ENPP1: variants seen among roughly 807,000 people sequenced by gnomAD.
ENPP1 encodes the protein ectonucleotide pyrophosphatase/phosphodiesterase 1, also known as ectonucleotide pyrophosphatase/phosphodiesterase family member 1.
Under a neutral mutation model 122.8 loss-of-function variants are expected in ENPP1, and 73 were observed. The observed-to-expected ratio is 0.59, with a 90% confidence interval of 0.49 to 0.72. ENPP1 has a LOEUF of 0.72. Among genes scored for constraint, ENPP1 ranks in the 30% least tolerant of loss-of-function variants. The pLI is 0.00. For synonymous variants in ENPP1, 367 were observed against 391.6 expected (o/e 0.94, Z 0.74); for missense variants, 978 against 1,128.1 (o/e 0.87, Z 1.91).
intron 1 of ENPP1, among the ~76,000 whole-genome samples, chr6:131,815,215 C>CTA (rs1781399383): frequency 6.6e-6 from 1 of 152,188 alleles, no homozygotes; most frequent in Admixed American, 6.5e-5. Context: ...AATCAGAAAT[C>CTA]TAGTCAGTGA....
intron 1 of ENPP1, among the ~76,000 whole-genome samples, chr6:131,824,832 C>T (rs139389655): frequency 0.032 from 4,870 of 152,088 alleles, 241 homozygotes; most frequent in East Asian, 0.25. Context: ...AGGCTGAGGC[C>T]GGCAGATCAC....
chr6:131,869,309 A>G (rs1182085569), intron 12 of ENPP1, 49 bp from the exon 13 acceptor site: 1 of 1,601,116 alleles, frequency 6.2e-7, no homozygotes, highest in Non-Finnish European at 8.5e-7. Flanking sequence ...TGCATATTAA[A>G]TTTTTTGTTA....
intron 16 of ENPP1, 107 bp from the exon 17 acceptor site, chr6:131,875,669 T>C (rs1468942329): frequency 1.2e-6 from 1 of 833,480 alleles, no homozygotes; most frequent in Non-Finnish European, 2.1e-6. Flanking sequence ...TTTCCTCTTA[T>C]CTTATCATAA....
At chr6:131,815,211 A>G (rs910865824) in intron 1 of ENPP1, among the ~76,000 whole-genome samples, 2 of 152,226 alleles carry the variant, frequency 1.3e-5, no homozygotes, top group African/African-American at 4.8e-5. Flanking sequence ...TCAGAATCAG[A>G]AATCTAGTCA....
chr6:131,852,128 T>C, intron 4 of ENPP1, 47 bp from the exon 5 acceptor site: 1 of 1,204,730 alleles, frequency 8.3e-7, no homozygotes, highest in Non-Finnish European at 1.2e-6. Context: ...ATCACAATTA[T>C]TATTACTGTT....
intron 4 of ENPP1, among the ~76,000 whole-genome samples, chr6:131,851,802 C>G (rs1258548547): frequency 6.6e-6 from 1 of 151,762 alleles, no homozygotes; most frequent in Non-Finnish European, 1.5e-5. Flanking sequence ...GAACCTGACT[C>G]TATATGAGAG....
chr6:131,841,084 A>T (rs1366598478), intron 1 of ENPP1, among the ~76,000 whole-genome samples: 1 of 152,224 alleles, frequency 6.6e-6, no homozygotes, highest in Non-Finnish European at 1.5e-5. Flanking sequence ...TGCATAAGAG[A>T]CCAAGCATGC....
chr6:131,847,645 A>T, intron 1 of ENPP1, 131 bp from the exon 2 acceptor site: 1 of 660,590 alleles, frequency 1.5e-6, no homozygotes, highest in Non-Finnish European at 2.6e-6. Context: ...TTTCGAGGTT[A>T]CAGTGAACTA....
intron 5 of ENPP1, among the ~76,000 whole-genome samples, chr6:131,853,110 A>T (rs977285454): frequency 1.3e-5 from 2 of 152,128 alleles, no homozygotes; most frequent in Non-Finnish European, 2.9e-5. Flanking sequence ...TAAAATTTTT[A>T]AGCTGTATTT....
At chr6:131,825,079 A>C (rs1585795812) in intron 1 of ENPP1, among the ~76,000 whole-genome samples, 2 of 152,184 alleles carry the variant, frequency 1.3e-5, no homozygotes, top group African/African-American at 4.8e-5. Context: ...ACAAACAAAC[A>C]AAAGCAATTG....
At chr6:131,882,262 T>C in intron 20 of ENPP1, 83 bp from the exon 21 acceptor site, 1 of 1,142,262 alleles carries the variant, frequency 8.8e-7, no homozygotes, top group South Asian at 1.2e-5. Context: ...AATTTTATGA[T>C]GTAGTTCACC....
chr6:131,835,917 A>T (rs1402570257), intron 1 of ENPP1, among the ~76,000 whole-genome samples: 1 of 152,182 alleles, frequency 6.6e-6, no homozygotes, highest in African/African-American at 2.4e-5. Context: ...ACTTGTGATT[A>T]TCTTAATTTT....
intron 21 of ENPP1, 127 bp downstream of exon 21, chr6:131,882,601 T>TTA (rs3036847): frequency 7.0e-5 from 14 of 201,036 alleles, no homozygotes; most frequent in Admixed American, 3.8e-4. Context: ...ATTACCTATT[T>TTA]TATATATATA....
intron 5 of ENPP1, among the ~76,000 whole-genome samples, chr6:131,853,918 G>GT (rs1262648056): frequency 6.6e-6 from 1 of 152,014 alleles, no homozygotes; most frequent in Admixed American, 6.6e-5. Context: ...ATCCTCTGTG[G>GT]TTTTTGGCCT....
Position 131,891,869 on chromosome 6 carries a change from C to T in ENPP1, c.*1358C>T, listed in dbSNP as rs374086092. On this transcript the variant is annotated 3_prime_UTR_variant, in exon 25 of 25. Coordinates refer to ENST00000647893, the MANE Select transcript of ENPP1 (RefSeq NM_006208.3). Reference sequence around the variant, plus strand: ...TTTTATTCTTCTGTCTCGAAGCTCACTGATTCTTTATTCTGTCTAATCTGT... The same window carrying T: ...TTTTATTCTTCTGTCTCGAAGCTCATTGATTCTTTATTCTGTCTAATCTGT... 3 of 150,738 alleles carry T rather than the reference C, an allele frequency of 2.0e-5. No individual in the cohort carries two copies. The highest frequency in any genetic ancestry group is 4.0e-4 in the East Asian group (2 of 5,034). 9.3% of individuals were successfully genotyped at this position (150,738 alleles called of 1,614,324 possible). A position where few individuals can be genotyped will look rare whatever the true frequency, so the allele number is the denominator to read the frequency against.
At chr6:131,870,816 C>T (rs1029881227) in intron 13 of ENPP1, among the ~76,000 whole-genome samples, 1 of 152,136 alleles carries the variant, frequency 6.6e-6, no homozygotes, top group African/African-American at 2.4e-5. Flanking sequence ...TGGTGGCTCA[C>T]GCCTGTTATT....
intron 1 of ENPP1, among the ~76,000 whole-genome samples, chr6:131,830,129 T>C (rs1236657646): frequency 1.3e-5 from 2 of 152,068 alleles, no homozygotes; most frequent in Admixed American, 6.5e-5. Context: ...AGACAAGGAA[T>C]TGGGGTCATA....
At chr6:131,810,710 G>A (rs1781339294) in intron 1 of ENPP1, among the ~76,000 whole-genome samples, 1 of 152,124 alleles carries the variant, frequency 6.6e-6, no homozygotes, top group Non-Finnish European at 1.5e-5. Context: ...AATTTAGCAG[G>A]ATAAATAGAA....
At chr6:131,828,522 C>G (rs1011515869) in intron 1 of ENPP1, 3 of 180,284 alleles carry the variant, frequency 1.7e-5, no homozygotes, top group African/African-American at 7.2e-5. Context: ...CATACCATCT[C>G]TGTGTTTGTC....
Sources: allele counts gnomAD v4.1 joint callset (sites outside exome capture counted in the v4.1 genomes callset), GRCh38; gene constraint gnomAD v4.1.1; transcripts MANE v1.5; gene names NCBI Gene and HGNC (gene_info 2026-07-23, HGNC 2026-07-21).